Variants in EML1 observed in about 807,000 individuals in gnomAD.
EML1 encodes echinoderm microtubule-associated protein-like 1.
A neutral mutation model predicts 110.4 loss-of-function variants in EML1; 27 were observed. The observed-to-expected ratio is 0.24, with a 90% CI of 0.18 to 0.34. The LOEUF (loss-of-function observed/expected upper bound fraction) is 0.34, where lower values mean the gene tolerates loss of function less well. EML1 is among the 10% of genes least tolerant of loss of function. The pLI is 1.00. For synonymous variants in EML1, 344 were observed against 385.8 expected, an observed-to-expected ratio of 0.89 and a Z score of 1.27; for missense variants, 741 against 1,030.9, an observed-to-expected ratio of 0.72 and a Z score of 3.85.
intron 1 of EML1, among the ~76,000 whole-genome samples, chr14:99,840,461 T>C (rs1422017760): frequency 6.6e-6 from 1 of 152,156 alleles, no homozygotes; most frequent in Non-Finnish European, 1.5e-5. Flanking sequence ...ACTTCATCTG[T>C]GGCATGAGGG....
intron 1 of EML1, among the ~76,000 whole-genome samples, chr14:99,745,367 A>G (rs1008287103): frequency 6.6e-5 from 10 of 152,122 alleles, no homozygotes; most frequent in East Asian, 1.9e-4. Context: ...TCCGGCCCCA[A>G]ATGACTTTTA....
chr14:99,901,709 A>G (rs2059766470), intron 9 of EML1, among the ~76,000 whole-genome samples: 1 of 152,128 alleles, frequency 6.6e-6, no homozygotes, highest in Non-Finnish European at 1.5e-5. Flanking sequence ...GGACAACCAG[A>G]GGTCACTCTT....
intron 2 of EML1, among the ~76,000 whole-genome samples, chr14:99,855,390 A>G (rs905360575): frequency 6.6e-6 from 1 of 152,360 alleles, no homozygotes; most frequent in East Asian, 1.9e-4. Context: ...TCTGAGGTCA[A>G]CAGCAGGGCT....
At chr14:99,788,059 G>A (rs1595280275) in intron 1 of EML1, among the ~76,000 whole-genome samples, 1 of 152,154 alleles carries the variant, frequency 6.6e-6, no homozygotes, top group Admixed American at 6.5e-5. Flanking sequence ...GCTGTCCAAG[G>A]CCCGCTGCAA....
intron 10 of EML1, among the ~76,000 whole-genome samples, chr14:99,908,164 C>T (rs187844210): frequency 9.9e-5 from 15 of 152,224 alleles, no homozygotes; most frequent in African/African-American, 3.1e-4. Flanking sequence ...GCCGCCAGCA[C>T]GGGGGCTCCT....
intron 1 of EML1, among the ~76,000 whole-genome samples, chr14:99,748,107 T>C (rs2057133675): frequency 6.6e-6 from 1 of 152,076 alleles, no homozygotes; most frequent in South Asian, 2.1e-4. Context: ...GCAGGAGGTG[T>C]GGCTGCAGCC....
intron 2 of EML1, among the ~76,000 whole-genome samples, chr14:99,858,201 TAGG>T (rs58584059): frequency 0.057 from 8,629 of 150,726 alleles, 843 homozygotes; most frequent in African/African-American, 0.2. Context: ...TTTTTTTTTT[TAGG>T]CAGAGTTTTT....
At chr14:99,785,272 C>T (rs1157261925) in intron 1 of EML1, among the ~76,000 whole-genome samples, 1 of 152,168 alleles carries the variant, frequency 6.6e-6, no homozygotes, top group Non-Finnish European at 1.5e-5. Context: ...CCAGGCTGGT[C>T]TCGAACTCCT....
intron 1 of EML1, among the ~76,000 whole-genome samples, chr14:99,743,075 G>A (rs975473448): frequency 4.6e-5 from 7 of 152,156 alleles, no homozygotes; most frequent in East Asian, 1.9e-4. Context: ...TGCCCCTCAC[G>A]GCGCCCCTAC....
intron 6 of EML1, among the ~76,000 whole-genome samples, chr14:99,895,814 T>G (rs1057494476): frequency 6.6e-6 from 1 of 151,784 alleles, no homozygotes; most frequent in Admixed American, 6.6e-5. Context: ...GTCCCAGCTG[T>G]TCAAGAGGCT....
intron 15 of EML1, among the ~76,000 whole-genome samples, chr14:99,915,769 A>G (rs1232991345): frequency 6.6e-6 from 1 of 152,188 alleles, no homozygotes; most frequent in Non-Finnish European, 1.5e-5. Flanking sequence ...TCGGAAGCTC[A>G]TTCTCTGTTG....
upstream of EML1, among the ~76,000 whole-genome samples, chr14:99,791,029 T>C (rs776406826): frequency 3.4e-4 from 52 of 152,058 alleles, no homozygotes; most frequent in Non-Finnish European, 6.6e-4. Flanking sequence ...GGCTAATTTT[T>C]TGTATTTTTT....
upstream of EML1, among the ~76,000 whole-genome samples, chr14:99,770,841 G>T (rs902318883): frequency 7.5e-6 from 1 of 133,742 alleles, no homozygotes; most frequent in South Asian, 2.5e-4. Context: ...CTGGAGTGCA[G>T]TGGCGCGATC....
In EML1 at chr14:99,905,756, C is replaced by G. The variant is rs2059834632; in HGVS notation, c.1009-1882C>G. On this transcript the variant is annotated intron_variant, in intron 9 of 21. Coordinates refer to ENST00000262233, the MANE Select transcript of EML1 (RefSeq NM_004434.3). The surrounding 1 kb of genome is among the most constrained non-coding windows in gnomAD (Gnocchi z 4.1). ...TGAAAAGGACTTTACTGAGAGGGAC[C>G]TCTAACCCCCTAAATCTTAGGAAGG... is the stretch of plus-strand genomic sequence containing the variant. Among the ~76,000 whole-genome samples the G allele has an allele frequency of 2.6e-5, 4 of 152,132 alleles. No homozygotes were observed. The South Asian group carries it at 8.3e-4, about 32-fold the overall frequency.
In EML1 at chr14:99,936,316, G is replaced by T. The variant is rs1161726419; in HGVS notation, c.2077G>T (p.Asp693Tyr). ...NSQFLVSNSGDYEILYWVPSA... is the reference protein window; with the variant it reads ...NSQFLVSNSGYYEILYWVPSA... ...ACAGTTCCTCGTGTCAAATTCCGGA[G>T]ACTACGAAATCCTCTACTGTGAGTA... The change falls in exon 19 of 22, where the codon GAC (aspartate) becomes TAC (tyrosine). Residue 693 changes from aspartate (D) to tyrosine (Y), a missense_variant. Physicochemically the swap from Asp to Tyr is radical, Grantham distance 160. Transcript: ENST00000262233. This position sits in a 1 kb window ranked among gnomAD's most constrained non-coding sequence, Gnocchi z 5.5. 6.2e-7 allele frequency: 1 copy of T among 1,613,584 alleles called. No homozygotes were observed. The highest frequency in any genetic ancestry group is 2.2e-5 in the East Asian group (1 of 44,886).
chr14:99,861,847 G>A (rs1004645309), intron 2 of EML1, among the ~76,000 whole-genome samples: 4 of 152,130 alleles, frequency 2.6e-5, no homozygotes, highest in African/African-American at 9.7e-5. Context: ...AAAGTTGTAA[G>A]CACAGAAGGT....
At chr14:99,792,835 G>A (rs1325202117), upstream of EML1, 1 of 152,378 alleles carries the variant, frequency 6.6e-6, no homozygotes, top group East Asian at 1.9e-4. Flanking sequence ...GCGGAAAAAC[G>A]TGTGGACAGA....
chr14:99,748,300 G>A (rs1282933532), intron 1 of EML1, among the ~76,000 whole-genome samples: 1 of 152,186 alleles, frequency 6.6e-6, no homozygotes, highest in African/African-American at 2.4e-5. Flanking sequence ...CCGAGGCTGC[G>A]GGAATATGTG....
chr14:99,809,593 T>C, intron 1 of EML1: 2 of 455,916 alleles, frequency 4.4e-6, no homozygotes, highest in South Asian at 3.1e-5. Context: ...GTATGGCAGA[T>C]GCCTTGAGAT....
Sources: gnomAD v4.1 joint callset for allele counts (sites outside exome capture counted in the v4.1 genomes callset) on GRCh38, gnomAD v4.1.1 for gene constraint, Gnocchi (gnomAD v3.1) non-coding constraint, MANE v1.5 for transcripts, NCBI Gene and HGNC (gene_info 2026-07-23, HGNC 2026-07-21) for gene names.